POU6F2: variants seen among roughly 807,000 people sequenced by gnomAD.
The protein encoded by POU6F2 is POU class 6 homeobox 2, also known as POU domain, class 6, transcription factor 2.
Under a neutral mutation model 71.3 loss-of-function variants are expected in POU6F2, and 31 were observed. The observed-to-expected ratio is 0.43, with a 90% CI of 0.33 to 0.59. POU6F2 has a LOEUF of 0.59. Ranked by LOEUF, POU6F2 falls within the 20% of genes least tolerant of loss-of-function variation. The pLI, the probability that POU6F2 is intolerant of heterozygous loss-of-function variation, is 0.04. For synonymous variants in POU6F2, 347 were observed against 355.7 expected, an observed-to-expected ratio of 0.98 and a Z score of 0.27; for missense variants, 783 against 856.8, an observed-to-expected ratio of 0.91 and a Z score of 1.07.
intron 5 of POU6F2, among the ~76,000 whole-genome samples, chr7:39,399,569 C>A (rs560911882): frequency 6.6e-6 from 1 of 152,272 alleles, no homozygotes; most frequent in South Asian, 2.1e-4. Context: ...AAAGCAAGGT[C>A]TGGGTTGGGC....
intron 2 of POU6F2, among the ~76,000 whole-genome samples, chr7:39,185,700 C>T (rs1288518908): frequency 6.6e-6 from 1 of 151,750 alleles, no homozygotes; most frequent in Non-Finnish European, 1.5e-5. Context: ...AGGTTGTAGG[C>T]CCCAGAGGCT....
intron 2 of POU6F2, among the ~76,000 whole-genome samples, chr7:39,152,488 T>G (rs1792781808): frequency 6.6e-6 from 1 of 152,164 alleles, no homozygotes; most frequent in Admixed American, 6.5e-5. Context: ...TTCCCATACC[T>G]GTTGGCAGAC....
chr7:39,319,137 A>T (rs145204945), intron 4 of POU6F2, among the ~76,000 whole-genome samples: 1 of 152,276 alleles, frequency 6.6e-6, no homozygotes, highest in African/African-American at 2.4e-5. Flanking sequence ...CCTCATAAAA[A>T]CAAAACAAAA....
At chr7:39,338,825 T>C (rs1197482269) in intron 4 of POU6F2, among the ~76,000 whole-genome samples, 2 of 152,122 alleles carry the variant, frequency 1.3e-5, no homozygotes, top group African/African-American at 2.4e-5. Context: ...AAATTTTGCG[T>C]GCTCAGTGCT....
In POU6F2 at chr7:39,388,849, A is replaced by G. The variant is rs115220084; in HGVS notation, c.973-17751A>G. On this transcript the variant is annotated intron_variant, in intron 5 of 9. Transcript: ENST00000518318. The stretch of plus-strand genomic sequence containing the variant: ...GATAACCTATTTTTTAATGTATTGC[A>G]TGATTACTATTCGAATACTAGGTGA... Among the ~76,000 whole-genome samples, 78 of 152,344 alleles carry G rather than the reference A, an allele frequency of 5.1e-4. 1 individual carries two copies. In the Middle Eastern group the frequency reaches 0.014, roughly 27 times the overall value.
At chr7:39,187,879 A>G (rs1164204865) in intron 2 of POU6F2, among the ~76,000 whole-genome samples, 2 of 152,166 alleles carry the variant, frequency 1.3e-5, no homozygotes, top group Non-Finnish European at 2.9e-5. Flanking sequence ...ATTTTTTTCC[A>G]TATGCCTGAG....
At chr7:39,134,241 G>A (rs750131094) in intron 2 of POU6F2, among the ~76,000 whole-genome samples, 1 of 152,034 alleles carries the variant, frequency 6.6e-6, no homozygotes, top group African/African-American at 2.4e-5. Context: ...CTTTATTGCC[G>A]AATGATGAAT....
chr7:39,457,623 A>G (rs1285795917), intron 8 of POU6F2, among the ~76,000 whole-genome samples: 1 of 152,218 alleles, frequency 6.6e-6, no homozygotes, highest in Non-Finnish European at 1.5e-5. Flanking sequence ...CCAGGGCCAC[A>G]AAGAAAGATT....
At chr7:39,030,510 A>G (rs1789913153) in intron 1 of POU6F2, among the ~76,000 whole-genome samples, 1 of 94,156 alleles carries the variant, frequency 1.1e-5, no homozygotes. Context: ...CTATATATAT[A>G]TATATATATA....
chr7:39,362,281 GAAA>G (rs56922701), intron 5 of POU6F2, among the ~76,000 whole-genome samples: 6 of 130,906 alleles, frequency 4.6e-5, no homozygotes, highest in South Asian at 2.6e-4. Context: ...TCAATGGCCA[GAAA>G]AAAAAAAAAA....
At chr7:39,119,419 A>G (rs1216872215) in intron 2 of POU6F2, among the ~76,000 whole-genome samples, 1 of 152,268 alleles carries the variant, frequency 6.6e-6, no homozygotes, top group African/African-American at 2.4e-5. Flanking sequence ...TAATGGTAAT[A>G]TAAACATCAC....
At chr7:39,390,299 G>T (rs1260728707) in intron 5 of POU6F2, among the ~76,000 whole-genome samples, 1 of 152,206 alleles carries the variant, frequency 6.6e-6, no homozygotes, top group African/African-American at 2.4e-5. Flanking sequence ...GGGAGGCTGA[G>T]GCAGAAGATT....
At chr7:39,003,748 CAA>C (rs34937385) in intron 1 of POU6F2, among the ~76,000 whole-genome samples, 8 of 106,048 alleles carry the variant, frequency 7.5e-5, no homozygotes, top group Admixed American at 9.7e-5. Context: ...GACTCCGTTT[CAA>C]AAAAAAAAAA....
intron 8 of POU6F2, among the ~76,000 whole-genome samples, chr7:39,459,789 A>G (rs935266687): frequency 6.7e-6 from 1 of 149,010 alleles, no homozygotes; most frequent in African/African-American, 2.6e-5. Context: ...ATCAGTAGCC[A>G]GGGGGGGAAA....
chr7:39,408,501 A>C (rs1283470344), intron 6 of POU6F2, among the ~76,000 whole-genome samples: 2 of 152,264 alleles, frequency 1.3e-5, no homozygotes, highest in African/African-American at 2.4e-5. Context: ...TTCCCAGCCC[A>C]TAAGTACCCA....
chr7:39,340,042 C>G, intron 5 of POU6F2, 27 bp downstream of exon 5: 5 of 1,572,000 alleles, frequency 3.2e-6, no homozygotes, highest in Non-Finnish European at 3.5e-6. Context: ...TCCCGTCTGC[C>G]CCTAGGAGCA....
chr7:39,406,782 T>C (rs1787443180), intron 6 of POU6F2, 42 bp downstream of exon 6: 5 of 1,606,806 alleles, frequency 3.1e-6, no homozygotes, highest in Non-Finnish European at 4.2e-6. Flanking sequence ...TTATGGCAGA[T>C]TGAACTCGGA....
chr7:39,126,998 AAAAT>A (rs2128728677), intron 2 of POU6F2, among the ~76,000 whole-genome samples: 1 of 152,380 alleles, frequency 6.6e-6, no homozygotes, highest in East Asian at 1.9e-4. Context: ...CCACATTAAA[AAAAT>A]AACTAAAGAC....
intron 2 of POU6F2, among the ~76,000 whole-genome samples, chr7:39,185,863 A>G (rs1213486733): frequency 1.4e-5 from 2 of 146,872 alleles, no homozygotes; most frequent in Non-Finnish European, 3.0e-5. Flanking sequence ...ATGTGTATAT[A>G]TGTATATATG....
Sources: gnomAD v4.1 joint callset for allele counts (sites outside exome capture counted in the v4.1 genomes callset) on GRCh38, gnomAD v4.1.1 for gene constraint, MANE v1.5 for transcripts, NCBI Gene and HGNC (gene_info 2026-07-23, HGNC 2026-07-21) for gene names.